The following TSNAX variants were observed in gnomAD, a reference collection of about 807,000 sequenced individuals.
TSNAX encodes the protein translin associated factor X.
TSNAX carries 12 observed loss-of-function variants against 33.0 expected under a neutral mutation model. That is an observed-to-expected ratio of 0.36 (90% CI 0.23 to 0.59). The LOEUF is 0.59. Among genes scored for constraint, TSNAX ranks in the 20% least tolerant of loss-of-function variants. The probability of loss-of-function intolerance (pLI) is 0.74; values close to 1 mark genes in which losing one functional copy is unlikely to be tolerated. For missense variants in TSNAX, 267 were observed against 341.3 expected (o/e 0.78, Z 1.72); for synonymous variants, 110 against 117.2 (o/e 0.94, Z 0.40).
intron 2 of TSNAX, among the ~76,000 whole-genome samples, chr1:231,532,262 G>A (rs1229900599): frequency 6.7e-6 from 1 of 149,006 alleles, no homozygotes; most frequent in Non-Finnish European, 1.5e-5. Context: ...CGTGATCTTG[G>A]CTCACTGCAA....
chr1:231,563,739 T>C (rs114381949), intron 5 of TSNAX: 10 of 151,366 alleles, frequency 6.6e-5, no homozygotes, highest in African/African-American at 2.4e-4. Context: ...GTCACTGAAA[T>C]TGGGCAAGGT....
Position 231,564,812 on chromosome 1 carries a change from G to C in TSNAX, c.780G>C (p.Leu260Phe). ...AAGTGGAGAATGCTTGTTATGCCTT[G>C]AAAGTCAGAGGGTCAGAAATTCCAA... The part of the protein sequence containing the change: ...LAKVENACYA[L>F]KVRGSEIPKH... Residue 260 changes from leucine to phenylalanine, a missense_variant, in exon 6 of 6, where the codon TTG (leucine) becomes TTC (phenylalanine). Around this residue, in one of 2 missense-constraint regions of TSNAX, gnomAD observed 67 missense variants for 127.2 expected, o/e 0.53. Coordinates refer to ENST00000366639, the MANE Select transcript of TSNAX (RefSeq NM_005999.3). 6.2e-7 allele frequency: 1 copy of C among 1,614,160 alleles called. No individual in the cohort carries two copies. The highest frequency in any genetic ancestry group is 8.5e-7 in the Non-Finnish European group (1 of 1,180,028).
At chr1:231,543,149 G>T (rs536550013) in intron 4 of TSNAX, among the ~76,000 whole-genome samples, 75 of 151,752 alleles carry the variant, frequency 4.9e-4, no homozygotes, top group African/African-American at 1.7e-3. Context: ...CTGCACTCCA[G>T]CCTGGGCGTC....
At chr1:231,544,119 G>A (rs1397556480) in intron 4 of TSNAX, among the ~76,000 whole-genome samples, 15 of 152,216 alleles carry the variant, frequency 9.9e-5, no homozygotes, top group Admixed American at 9.8e-4. Flanking sequence ...AGGTATGCGT[G>A]TGTAATCTTG....
intron 4 of TSNAX, among the ~76,000 whole-genome samples, chr1:231,552,752 C>G (rs764121626): frequency 5.9e-5 from 9 of 152,216 alleles, no homozygotes; most frequent in Non-Finnish European, 1.0e-4. Flanking sequence ...TCCCCGTTCT[C>G]CTAATACCAG....
At chr1:231,559,121 T>C (rs1205419109) in intron 4 of TSNAX, among the ~76,000 whole-genome samples, 1 of 152,132 alleles carries the variant, frequency 6.6e-6, no homozygotes, top group Non-Finnish European at 1.5e-5. Context: ...TCATAAAAAA[T>C]GTTAGAGAAC....
chr1:231,535,422 TAGTA>T (rs1334351378), intron 2 of TSNAX: 2 of 152,102 alleles, frequency 1.3e-5, no homozygotes, highest in African/African-American at 4.8e-5. Flanking sequence ...TTAAGAATTT[TAGTA>T]AGGAAAAAAT....
rs1661430172 is a variant in TSNAX, at chr1:231,566,242, A to C, written c.*1337A>C. ...GAAGATGTATTATGAACAATTCAGC[A>C]ATAAGACAATTGTCAACACAGTTGA... On this transcript the variant is annotated 3_prime_UTR_variant, in exon 6 of 6. Coordinates refer to ENST00000366639, the MANE Select transcript of TSNAX (RefSeq NM_005999.3). 1 of 152,596 alleles carries C rather than the reference A, an allele frequency of 6.6e-6. No individual in the cohort carries two copies. Among genetic ancestry groups the C allele is most frequent in the African/African-American group, 2.4e-5 (1 of 41,446 alleles). The allele number at this position is 152,596 out of a possible 1,614,324, so 9.5% of individuals were successfully genotyped here.
intron 4 of TSNAX, among the ~76,000 whole-genome samples, chr1:231,560,149 T>A (rs1294337722): frequency 6.6e-6 from 1 of 151,354 alleles, no homozygotes; most frequent in African/African-American, 2.4e-5. Flanking sequence ...CCGGCTAAGT[T>A]TTTTTATTTT....
chr1:231,549,668 T>C (rs916038842), intron 4 of TSNAX, among the ~76,000 whole-genome samples: 23 of 152,254 alleles, frequency 1.5e-4, no homozygotes, highest in African/African-American at 5.5e-4. Context: ...AGCAGCCTGC[T>C]GCATTATTGT....
In TSNAX at chr1:231,564,991, A is replaced by G; in HGVS notation, c.*86A>G. The G allele has an allele frequency of 6.8e-7, 1 of 1,468,014 alleles. No homozygotes were observed. Among genetic ancestry groups the G allele is most frequent in the South Asian group, 1.4e-5 (1 of 72,620 alleles). The allele number at this position is 1,468,014 out of a possible 1,614,324, so 90.9% of individuals were successfully genotyped here. On this transcript the variant is annotated 3_prime_UTR_variant, in exon 6 of 6. Transcript: ENST00000366639. ...CTTATTTAGTATTTCATTTAACTTT[A>G]TTGTGGCTTTTACATAGAAACATAT... is the stretch of plus-strand genomic sequence containing the variant.
At chr1:231,560,850 G>T (rs1190516299) in intron 4 of TSNAX, among the ~76,000 whole-genome samples, 2 of 152,012 alleles carry the variant, frequency 1.3e-5, no homozygotes, top group Non-Finnish European at 1.5e-5. Context: ...AGTAGAGTTG[G>T]GGTTTTACTG....
intron 4 of TSNAX, among the ~76,000 whole-genome samples, chr1:231,554,900 T>G (rs1016059036): frequency 6.6e-6 from 1 of 152,246 alleles, no homozygotes; most frequent in Admixed American, 6.5e-5. Flanking sequence ...TCTCTATGCC[T>G]CAATTTGTTC....
At chr1:231,544,495 CAT>C (rs939545086) in intron 4 of TSNAX, among the ~76,000 whole-genome samples, 26 of 152,268 alleles carry the variant, frequency 1.7e-4, no homozygotes, top group Middle Eastern at 3.4e-3. Flanking sequence ...GTTGGTGCCT[CAT>C]GTGTGAAAAA....
At chr1:231,541,067 G>A (rs113846104) in intron 3 of TSNAX, among the ~76,000 whole-genome samples, 29 of 152,180 alleles carry the variant, frequency 1.9e-4, no homozygotes, top group African/African-American at 6.7e-4. Flanking sequence ...GTTAGTGCAG[G>A]TGTTTAGACC....
chr1:231,529,240 TC>T lies in TSNAX; in HGVS notation c.17-14del. The T allele has an allele frequency of 3.1e-6, 5 of 1,609,308 alleles. No homozygotes were observed. The highest frequency in any genetic ancestry group is 4.2e-6 in the Non-Finnish European group (5 of 1,178,422). On this transcript the variant is annotated splice_polypyrimidine_tract_variant and intron_variant, in intron 1 of 5. Coordinates refer to ENST00000366639, the MANE Select transcript of TSNAX (RefSeq NM_005999.3). ...GTGATGGAAGATCCCTCTCTTTTTT[TC>T]TTCTCTATATAAGGATCAGGAGGGT...
At chr1:231,533,119 TGCAGTGGTGC>T (rs1658893339) in intron 2 of TSNAX, among the ~76,000 whole-genome samples, 1 of 151,196 alleles carries the variant, frequency 6.6e-6, no homozygotes, top group Non-Finnish European at 1.5e-5. Flanking sequence ...CAGACTGGCG[TGCAGTGGTGC>T]AGTCTCAGCT....
At chr1:231,533,919 A>T (rs1327182578) in intron 2 of TSNAX, among the ~76,000 whole-genome samples, 2 of 152,244 alleles carry the variant, frequency 1.3e-5, no homozygotes, top group Non-Finnish European at 2.9e-5. Context: ...TAACACTGAC[A>T]TAATACTTTA....
At chr1:231,540,952 CGT>C (rs1659535304) in intron 3 of TSNAX, among the ~76,000 whole-genome samples, 1 of 152,130 alleles carries the variant, frequency 6.6e-6, no homozygotes, top group Non-Finnish European at 1.5e-5. Context: ...GTTATTAGAA[CGT>C]ATATCTTTTC....
Sources: gnomAD v4.1 joint callset for allele counts (sites outside exome capture counted in the v4.1 genomes callset) on GRCh38, gnomAD v4.1.1 for gene constraint, gnomAD v4.1.1 regional missense constraint, MANE v1.5 for transcripts, NCBI Gene and HGNC (gene_info 2026-07-23, HGNC 2026-07-21) for gene names.